Variants in PIK3AP1 observed in about 807,000 individuals in gnomAD.
PIK3AP1 encodes the protein phosphoinositide-3-kinase adaptor protein 1, also known as phosphoinositide 3-kinase adapter protein 1.
PIK3AP1 carries 21 observed loss-of-function variants against 88.1 expected under a neutral mutation model. The ratio of observed to expected loss-of-function variants is 0.24; its 90% CI spans 0.17 to 0.34. The LOEUF (loss-of-function observed/expected upper bound fraction) is 0.34. Among genes scored for constraint, PIK3AP1 ranks in the 10% least tolerant of loss-of-function variants. PIK3AP1 has a pLI of 1.00. For synonymous variants in PIK3AP1, 398 were observed against 400.0 expected (o/e 1.00, Z 0.06); for missense variants, 828 against 1,035.7 (o/e 0.80, Z 2.75).
At chr10:96,644,212 C>A (rs565974534) in intron 8 of PIK3AP1, among the ~76,000 whole-genome samples, 11 of 152,348 alleles carry the variant, frequency 7.2e-5, no homozygotes, top group Admixed American at 5.2e-4. Flanking sequence ...GGACCCTAGA[C>A]ATCCTGCTAT....
intron 13 of PIK3AP1, among the ~76,000 whole-genome samples, chr10:96,610,473 C>T (rs1020914848): frequency 1.4e-5 from 2 of 144,418 alleles, no homozygotes; most frequent in South Asian, 2.4e-4. Context: ...ACCCAGGCTC[C>T]GGAGTCCAGG....
intron 14 of PIK3AP1, among the ~76,000 whole-genome samples, chr10:96,604,787 A>G (rs7072865): frequency 0.81 from 123,646 of 152,214 alleles, 50,783 homozygotes; most frequent in East Asian, 0.99. Context: ...TGTATCACCC[A>G]TGCAGACACG....
intron 2 of PIK3AP1, among the ~76,000 whole-genome samples, chr10:96,682,452 C>T (rs1844016001): frequency 6.6e-6 from 1 of 152,130 alleles, no homozygotes; most frequent in South Asian, 2.1e-4. Flanking sequence ...TGGGAGTTCA[C>T]CTTTGCAAGA....
intron 12 of PIK3AP1, among the ~76,000 whole-genome samples, chr10:96,616,954 T>A (rs1255083574): frequency 1.3e-5 from 2 of 152,224 alleles, no homozygotes; most frequent in Non-Finnish European, 2.9e-5. Flanking sequence ...CCTCTGGTTC[T>A]CAGCTCTGTT....
chr10:96,626,978 T>A (rs1181370203), intron 9 of PIK3AP1, 73 bp from the exon 10 acceptor site: 2 of 1,404,588 alleles, frequency 1.4e-6, no homozygotes, highest in African/African-American at 2.8e-5. Context: ...TAAAGCAGAG[T>A]GAGGGACCTT....
At chr10:96,628,877 T>TATATACATATACATATAC (rs1564961146) in intron 8 of PIK3AP1, among the ~76,000 whole-genome samples, 1 of 10,418 alleles carries the variant, frequency 9.6e-5, no homozygotes, top group Non-Finnish European at 3.7e-4. Context: ...TATATACACA[T>TATATACATATACATATAC]ATATATATAT....
At chr10:96,607,735 A>T (rs57392876) in intron 14 of PIK3AP1, among the ~76,000 whole-genome samples, 3,196 of 152,234 alleles carry the variant, frequency 0.021, 107 homozygotes, top group African/African-American at 0.071. Flanking sequence ...GCCCCGGAGG[A>T]TGAGAGGTTT....
intron 8 of PIK3AP1, among the ~76,000 whole-genome samples, chr10:96,628,917 T>C (rs1375892469): frequency 7.5e-5 from 9 of 120,036 alleles, no homozygotes; most frequent in Middle Eastern, 4.0e-3. Context: ...TGTGTATATA[T>C]ATATATATAT....
intron 15 of PIK3AP1, 125 bp from the exon 16 acceptor site, chr10:96,602,523 A>G: frequency 1.3e-6 from 1 of 752,310 alleles, no homozygotes; most frequent in Non-Finnish European, 2.2e-6. Flanking sequence ...TTGCAAATTG[A>G]TAATCAACCC....
chr10:96,628,710 A>C (rs1475490329), intron 8 of PIK3AP1, among the ~76,000 whole-genome samples: 1 of 151,794 alleles, frequency 6.6e-6, no homozygotes, highest in Non-Finnish European at 1.5e-5. Flanking sequence ...TCCTTGCACC[A>C]CAGGTCTCAA....
At position 96,651,375 on chromosome 10, in the gene PIK3AP1, A is replaced by G. The variant is rs138990701; in HGVS notation, c.861T>C (p.Phe287=). The G allele has an allele frequency of 4.0e-4, 643 of 1,614,182 alleles. 1 individual carries two copies. The African/African-American group carries it at 7.6e-3, about 19-fold the overall frequency. ...TCTCTGTGTTGTAGGGCACAATTTTAAAGGCCTGAAAACAAAAGTGAAGAT... is the reference window on the plus strand; with the variant it reads ...TCTCTGTGTTGTAGGGCACAATTTTGAAGGCCTGAAAACAAAAGTGAAGAT... ...ANPVEFMCQA[F]KIVPYNTETL... is the part of the protein sequence containing the mutation. The change falls in exon 6 of 17, where the codon TTT becomes TTC. Residue 287 remains phenylalanine, a synonymous_variant. Coordinates refer to ENST00000339364, the MANE Select transcript of PIK3AP1 (RefSeq NM_152309.3).
At chr10:96,652,892 G>A (rs201885702) in intron 3 of PIK3AP1, 50 bp from the exon 4 acceptor site, 7 of 1,593,092 alleles carry the variant, frequency 4.4e-6, no homozygotes, top group South Asian at 3.4e-5. Flanking sequence ...GATCCCCGTA[G>A]GGTGTTGGGC....
At chr10:96,690,571 A>T (rs1415887654) in intron 2 of PIK3AP1, among the ~76,000 whole-genome samples, 1 of 152,188 alleles carries the variant, frequency 6.6e-6, no homozygotes, top group Non-Finnish European at 1.5e-5. Context: ...AAAGTCCAAA[A>T]TTAAACACTC....
intron 2 of PIK3AP1, among the ~76,000 whole-genome samples, chr10:96,706,947 G>T (rs539083161): frequency 7.9e-5 from 12 of 152,154 alleles, no homozygotes; most frequent in Non-Finnish European, 1.8e-4. Context: ...AGGCTATAAG[G>T]CTTCCTTCCT....
chr10:96,695,953 G>C (rs1844213411), intron 2 of PIK3AP1, among the ~76,000 whole-genome samples: 1 of 152,090 alleles, frequency 6.6e-6, no homozygotes, highest in Non-Finnish European at 1.5e-5. Context: ...AACTTGAAGA[G>C]TAATTTTCTG....
intron 16 of PIK3AP1, among the ~76,000 whole-genome samples, chr10:96,601,801 T>C (rs988974855): frequency 1.3e-5 from 2 of 152,228 alleles, no homozygotes; most frequent in East Asian, 3.8e-4. Context: ...ATTTAAAGTA[T>C]TTGCAACTAA....
intron 1 of PIK3AP1, among the ~76,000 whole-genome samples, chr10:96,717,865 C>T (rs762075638): frequency 8.5e-5 from 13 of 152,154 alleles, no homozygotes; most frequent in Non-Finnish European, 1.9e-4. Context: ...AAGGTCCTTT[C>T]AAAGACAGGG....
At chr10:96,633,065 A>T in intron 8 of PIK3AP1, 1 of 1,587,784 alleles carries the variant, frequency 6.3e-7, no homozygotes, top group Non-Finnish European at 8.6e-7. Context: ...CTCATGTCCT[A>T]CAAGAGCAAT....
In PIK3AP1 at chr10:96,668,856, G is replaced by A. The variant is rs143130887; in HGVS notation, c.431-11922C>T. ...ATTTAACCACCACACGGGGCCAGGCGCAGTGGCTCACACCTGTAATCCCAG... is the reference window on the plus strand; with the variant it reads ...ATTTAACCACCACACGGGGCCAGGCACAGTGGCTCACACCTGTAATCCCAG... On this transcript the variant is annotated intron_variant, in intron 2 of 16. Coordinates refer to ENST00000339364, the MANE Select transcript of PIK3AP1 (RefSeq NM_152309.3). Among the ~76,000 whole-genome samples, 529 of 152,322 alleles carry A rather than the reference G, an allele frequency of 3.5e-3. 6 individuals carry two copies. The highest frequency in any genetic ancestry group is 3.2e-3 in the Admixed American group (49 of 15,300).
Sources: allele counts gnomAD v4.1 joint callset (sites outside exome capture counted in the v4.1 genomes callset), GRCh38; gene constraint gnomAD v4.1.1; transcripts MANE v1.5; gene names NCBI Gene and HGNC (gene_info 2026-07-23, HGNC 2026-07-21).